Variants in ASIC2 observed in about 807,000 individuals in gnomAD.
ASIC2 encodes acid sensing ion channel subunit 2, also known as acid-sensing ion channel 2.
A neutral mutation model predicts 57.3 loss-of-function variants in ASIC2; 25 were observed. That is an observed-to-expected ratio of 0.44 (90% CI 0.32 to 0.61). ASIC2 has a LOEUF of 0.61. Among genes scored for constraint, ASIC2 ranks in the 20% least tolerant of loss-of-function variants. The pLI, the probability that ASIC2 is intolerant of heterozygous loss-of-function variation, is 0.06. For synonymous variants in ASIC2, 319 were observed against 307.5 expected, an observed-to-expected ratio of 1.04 and a Z score of -0.39; for missense variants, 641 against 738.1, an observed-to-expected ratio of 0.87 and a Z score of 1.52.
At chr17:33,355,065 A>G (rs1483780006) in intron 1 of ASIC2, among the ~76,000 whole-genome samples, 2 of 152,224 alleles carry the variant, frequency 1.3e-5, no homozygotes, top group Non-Finnish European at 2.9e-5. Flanking sequence ...GTATGTGTAT[A>G]TTCGGAGTGC....
chr17:33,614,186 CCTT>C (rs551710926), intron 1 of ASIC2, among the ~76,000 whole-genome samples: 249 of 152,242 alleles, frequency 1.6e-3, no homozygotes, highest in African/African-American at 5.6e-3. Context: ...GGATGGGTGT[CCTT>C]ATTATTATCC....
intron 1 of ASIC2, among the ~76,000 whole-genome samples, chr17:33,700,446 AG>A (rs1908661280): frequency 6.6e-6 from 1 of 152,186 alleles, no homozygotes; most frequent in African/African-American, 2.4e-5. Context: ...GCCAAATACA[AG>A]CTCCATTACA....
chr17:33,638,447 G>T (rs11655340), intron 1 of ASIC2, among the ~76,000 whole-genome samples: 31 of 152,030 alleles, frequency 2.0e-4, no homozygotes, highest in African/African-American at 7.2e-4. Flanking sequence ...CTTTGCTAAG[G>T]CAGTTTCAAC....
chr17:33,330,170 C>G (rs1907253762), intron 1 of ASIC2, among the ~76,000 whole-genome samples: 1 of 152,158 alleles, frequency 6.6e-6, no homozygotes, highest in Non-Finnish European at 1.5e-5. Context: ...CTGCTGAAGT[C>G]AGTGCTGCTC....
chr17:33,279,362 G>A (rs1904845457), intron 1 of ASIC2, among the ~76,000 whole-genome samples: 1 of 152,152 alleles, frequency 6.6e-6, no homozygotes, highest in Non-Finnish European at 1.5e-5. Flanking sequence ...GCATCCAGGG[G>A]AAAGGAAGTA....
At chr17:33,221,755 C>CT (rs201832741) in intron 1 of ASIC2, among the ~76,000 whole-genome samples, 51 of 151,556 alleles carry the variant, frequency 3.4e-4, no homozygotes, top group African/African-American at 9.9e-4. Context: ...TCGTAAGATA[C>CT]TTTTTTTTTC....
intron 1 of ASIC2, among the ~76,000 whole-genome samples, chr17:33,287,774 T>G (rs1597667027): frequency 6.6e-6 from 1 of 152,146 alleles, no homozygotes; most frequent in Admixed American, 6.5e-5. Flanking sequence ...CCCAAAGGCC[T>G]CCTCTAGAAC....
intron 1 of ASIC2, among the ~76,000 whole-genome samples, chr17:33,695,776 G>C (rs1329440226): frequency 1.3e-5 from 2 of 152,040 alleles, no homozygotes; most frequent in East Asian, 3.9e-4. Flanking sequence ...AAGCAATTAG[G>C]AACATAAATT....
At chr17:33,422,049 T>C (rs961070365) in intron 1 of ASIC2, among the ~76,000 whole-genome samples, 2 of 152,248 alleles carry the variant, frequency 1.3e-5, no homozygotes, top group Non-Finnish European at 2.9e-5. Flanking sequence ...AATCCTGTTC[T>C]AGCACTTCAA....
At chr17:33,452,367 C>T (rs1912281729) in intron 1 of ASIC2, among the ~76,000 whole-genome samples, 1 of 152,224 alleles carries the variant, frequency 6.6e-6, no homozygotes, top group Non-Finnish European at 1.5e-5. Context: ...AATCAGATAG[C>T]TTTGGCTTTC....
chr17:33,400,327 CT>C (rs1910238282), intron 1 of ASIC2, among the ~76,000 whole-genome samples: 2 of 152,154 alleles, frequency 1.3e-5, no homozygotes, highest in Non-Finnish European at 2.9e-5. Context: ...CTGTCAGGGT[CT>C]AAAATTTCAA....
chr17:33,114,145 C>T (rs1000543212), intron 1 of ASIC2, among the ~76,000 whole-genome samples: 1 of 152,212 alleles, frequency 6.6e-6, no homozygotes, highest in African/African-American at 2.4e-5. Flanking sequence ...GCCAGCTGCA[C>T]TATTTCAGGA....
intron 3 of ASIC2, among the ~76,000 whole-genome samples, chr17:33,042,348 G>A (rs1396277193): frequency 6.6e-6 from 1 of 152,156 alleles, no homozygotes; most frequent in Non-Finnish European, 1.5e-5. Flanking sequence ...TTAAGAGATG[G>A]AGCAATAACA....
chr17:33,549,571 G>A (rs1172801602), intron 1 of ASIC2, among the ~76,000 whole-genome samples: 1 of 152,160 alleles, frequency 6.6e-6, no homozygotes, highest in African/African-American at 2.4e-5. Flanking sequence ...GGCTCATTTT[G>A]CAAATTAGCC....
intron 1 of ASIC2, among the ~76,000 whole-genome samples, chr17:33,259,477 C>T (rs941094148): frequency 2.0e-5 from 3 of 152,000 alleles, no homozygotes; most frequent in Non-Finnish European, 4.4e-5. Context: ...CACCTCCCAC[C>T]GCCCATTCCT....
chr17:33,799,426 T>TC (rs1912042406), intron 1 of ASIC2, among the ~76,000 whole-genome samples: 1 of 63,584 alleles, frequency 1.6e-5, no homozygotes, highest in Non-Finnish European at 3.1e-5. Flanking sequence ...TTTCTTTCTT[T>TC]CTTCTTTCTT....
chr17:33,191,750 C>T (rs1197483584), intron 1 of ASIC2, among the ~76,000 whole-genome samples: 1 of 152,146 alleles, frequency 6.6e-6, no homozygotes, highest in Non-Finnish European at 1.5e-5. Flanking sequence ...CACAATCCGT[C>T]TTACAAACTT....
intron 1 of ASIC2, among the ~76,000 whole-genome samples, chr17:33,411,529 T>C (rs543248120): frequency 6.6e-6 from 1 of 152,262 alleles, no homozygotes; most frequent in South Asian, 2.1e-4. Flanking sequence ...GAAGAGAAGC[T>C]GGCAAGGAAG....
chr17:33,922,038 C>T (rs1299878857), intron 1 of ASIC2, among the ~76,000 whole-genome samples: 2 of 152,134 alleles, frequency 1.3e-5, no homozygotes, highest in African/African-American at 4.8e-5. Context: ...TGGTCCAGGG[C>T]CACTTTGCAC....
Sources: gnomAD v4.1 joint callset for allele counts (sites outside exome capture counted in the v4.1 genomes callset) on GRCh38, gnomAD v4.1.1 for gene constraint, MANE v1.5 for transcripts, NCBI Gene and HGNC (gene_info 2026-07-23, HGNC 2026-07-21) for gene names.